Variants in MATR3 observed in about 807,000 individuals in gnomAD.
The protein encoded by MATR3 is matrin 3.
In MATR3, 4 loss-of-function variants were observed where a neutral mutation model predicts 85.5. The ratio of observed to expected loss-of-function variants is 0.05; its 90% confidence interval spans 0.02 to 0.11. MATR3 has a LOEUF of 0.11. MATR3 is among the 10% of genes least tolerant of loss of function. The pLI is 1.00. For synonymous variants in MATR3, 336 were observed against 343.1 expected, an observed-to-expected ratio of 0.98 and a Z score of 0.23; for missense variants, 685 against 1,016.1, an observed-to-expected ratio of 0.67 and a Z score of 4.43.
Position 139,322,510 on chromosome 5 carries a change from A to G in MATR3, c.1778+4A>G. ...TACTGAAAAAAGATAAATCCCGGTA[A>G]TTTCATTTTGTTTTTCATATGTGTG... On this transcript the variant is annotated splice_donor_region_variant and intron_variant, in intron 11 of 14. Transcript: ENST00000394805. 6.3e-7 allele frequency: 1 copy of G among 1,584,496 alleles called. No individual in the cohort carries two copies. The highest frequency in any genetic ancestry group is 8.7e-7 in the Non-Finnish European group (1 of 1,155,648).
chr5:139,277,343 G>A (rs1219187259), intron 2 of MATR3, among the ~76,000 whole-genome samples: 1 of 152,048 alleles, frequency 6.6e-6, no homozygotes, highest in Admixed American at 6.6e-5. Context: ...ATGACCCTCG[G>A]TTGCTGTGAA....
chr5:139,288,956 G>T (rs1222272484), upstream of MATR3, among the ~76,000 whole-genome samples: 1 of 151,074 alleles, frequency 6.6e-6, no homozygotes, highest in Non-Finnish European at 1.5e-5. Flanking sequence ...GCTAATTTTT[G>T]GATTTTTAGT....
In MATR3 at chr5:139,323,288, G is replaced by GA. The variant is rs200473406; in HGVS notation, c.2148+331dup. On this transcript the variant is annotated intron_variant, in intron 12 of 14. Coordinates refer to ENST00000394805, the MANE Select transcript of MATR3 (RefSeq NM_018834.6). ...GTAGGCAGCCTTATAGTGTAGCTTT[G>GA]AAAAAAAAAATACAGGACGTGAGTT... Among the ~76,000 whole-genome samples, 125 of 148,196 alleles carry GA rather than the reference G, an allele frequency of 8.4e-4. 4 individuals are homozygous for GA. The South Asian group carries it at 0.02, about 24-fold the overall frequency.
intron 14 of MATR3, among the ~76,000 whole-genome samples, 170 bp downstream of exon 14, chr5:139,326,454 C>G (rs571897039): frequency 4.8e-4 from 71 of 146,468 alleles, no homozygotes; most frequent in Non-Finnish European, 8.1e-4. Flanking sequence ...CAGTTTCTCT[C>G]TTGTTGCCCA....
At chr5:139,293,292 A>G (rs1303223735), upstream of MATR3, 1 of 152,054 alleles carries the variant, frequency 6.6e-6, no homozygotes, top group Non-Finnish European at 1.5e-5. Context: ...AAACCAGCCA[A>G]AATGGTATCG....
chr5:139,310,500 C>T (rs1045224362), intron 2 of MATR3: 1 of 152,076 alleles, frequency 6.6e-6, no homozygotes, highest in East Asian at 1.9e-4. Context: ...CCTCTATAAC[C>T]GCTATAGAAA....
chr5:139,330,044 C>T lies in MATR3; in HGVS notation c.*649C>T, dbSNP rs1756060239. 2 of 454,318 alleles carry T rather than the reference C, an allele frequency of 4.4e-6. No individual in the cohort carries two copies. The highest frequency in any genetic ancestry group is 8.8e-6 in the Non-Finnish European group (2 of 226,728). 28.1% of individuals were successfully genotyped at this position (454,318 alleles called of 1,614,324 possible). A position where few individuals can be genotyped will look rare whatever the true frequency, so the allele number is the denominator to read the frequency against. On this transcript the variant is annotated 3_prime_UTR_variant, in exon 15 of 15. Transcript: ENST00000394805. ...CGTATTCTAGTAGTCAATGTATTTTCAGTGAAATGCAAAAATATTCCCGTT... is the reference window on the plus strand; with the variant it reads ...CGTATTCTAGTAGTCAATGTATTTTTAGTGAAATGCAAAAATATTCCCGTT...
chr5:139,307,759 T>G lies in MATR3; in HGVS notation c.344T>G (p.Phe115Cys), dbSNP rs587777300. Residue 115 changes from phenylalanine to cysteine, a missense_variant, in exon 2 of 15, where the codon TTT (phenylalanine) becomes TGT (cysteine). Phe to Cys is a radical substitution (Grantham distance 205, BLOSUM62 -2). Around this residue, in one of 9 missense-constraint regions of MATR3, gnomAD observed 3 missense variants for 21.1 expected, o/e 0.14. Transcript: ENST00000394805. The surrounding 1 kb of genome is among the most constrained non-coding windows in gnomAD (Gnocchi z 4.4). ...ADQASNILAS[F>C]GLSARDLDEL... Reference sequence around the variant, plus strand: ...CAGGCCAGTAACATTTTGGCCAGCTTTGGTCTGTCTGCTAGAGACTTAGAT... The same window carrying G: ...CAGGCCAGTAACATTTTGGCCAGCTGTGGTCTGTCTGCTAGAGACTTAGAT... 6.2e-7 allele frequency: 1 copy of G among 1,614,028 alleles called. No homozygotes were observed. The highest frequency in any genetic ancestry group is 8.5e-7 in the Non-Finnish European group (1 of 1,180,020).
rs763641524 is a variant in MATR3, at chr5:139,288,647, C to CT, written c.-178+9529dup. On this transcript the variant is annotated intron_variant, in intron 3 of 16. Coordinates refer to ENST00000509990, the Ensembl canonical transcript of MATR3. ...TACATGGTGGGTTTAAACATCATCT[C>CT]TTTTTTTTTTTGAGACGGAGTCTCA... 8.7e-3 allele frequency among the ~76,000 whole-genome samples: 1,284 copies of CT among 147,328 alleles called. 11 individuals are homozygous for CT. The highest frequency in any genetic ancestry group is 9.9e-3 in the Admixed American group (146 of 14,742).
upstream of MATR3, chr5:139,293,705 C>G (rs759695074): frequency 5.9e-6 from 2 of 339,700 alleles, no homozygotes; most frequent in African/African-American, 2.1e-5. Flanking sequence ...CCGCTGCCGC[C>G]GCTTCTCGCC....
At chr5:139,321,774 C>G in intron 9 of MATR3, 124 bp from the exon 10 acceptor site, 1 of 938,802 alleles carries the variant, frequency 1.1e-6, no homozygotes, top group Non-Finnish European at 1.6e-6. Flanking sequence ...CACAGTGAGA[C>G]CCTGTCTCAA....
At chr5:139,329,310 G>A (rs377066823) in intron 14 of MATR3, 35 bp from the exon 15 acceptor site, 58 of 1,499,144 alleles carry the variant, frequency 3.9e-5, no homozygotes, top group Non-Finnish European at 5.3e-5. Flanking sequence ...ATTTCTCTTA[G>A]GTGACTTAAT....
Position 139,325,606 on chromosome 5 carries a change from A to G in MATR3, c.2315A>G (p.Asp772Gly). ...GGTCAAAGTGATGAGAACAAGGACG[A>G]CTATACAATCCCAGATGAGTATAGA... is the stretch of plus-strand genomic sequence containing the variant. ...ADGQSDENKDDYTIPDEYRIG... is the reference protein window; with the variant it reads ...ADGQSDENKDGYTIPDEYRIG... Residue 772 changes from aspartate (D) to glycine (G), a missense_variant, in exon 13 of 15, where the codon GAC (aspartate) becomes GGC (glycine). By Grantham distance (94) the Asp-to-Gly change is moderately conservative. Transcript: ENST00000394805. The G allele has an allele frequency of 8.1e-6, 13 of 1,614,236 alleles. No homozygotes were observed. Among genetic ancestry groups the G allele is most frequent in the Non-Finnish European group, 1.1e-5 (13 of 1,180,044 alleles).
intron 1 of MATR3, among the ~76,000 whole-genome samples, chr5:139,298,324 C>G (rs1754266598): frequency 6.6e-6 from 1 of 152,152 alleles, no homozygotes; most frequent in African/African-American, 2.4e-5. Context: ...GTAATCCCAG[C>G]ACTTTGGGGG....
In MATR3 at chr5:139,318,924, C is replaced by A; in HGVS notation, c.1325C>A (p.Ala442Glu). The A allele has an allele frequency of 6.2e-7, 1 of 1,614,116 alleles. No individual in the cohort carries two copies. Among genetic ancestry groups the A allele is most frequent in the Non-Finnish European group, 8.5e-7 (1 of 1,179,984 alleles). ...TAATTTCAGGCATTTATTGAAATGG[C>A]AACCACAGAGGATGCTCAGGCCGCA... ...NKINEAFIEMATTEDAQAAVD... is the reference protein window; with the variant it reads ...NKINEAFIEMETTEDAQAAVD... Residue 442 changes from alanine (A) to glutamate (E), a missense_variant, in exon 8 of 15, where the codon GCA (alanine) becomes GAA (glutamate). By Grantham distance (107) the Ala-to-Glu change is moderately radical. Transcript: ENST00000394805.
At chr5:139,300,866 T>G (rs909991985) in intron 1 of MATR3, among the ~76,000 whole-genome samples, 1 of 150,712 alleles carries the variant, frequency 6.6e-6, no homozygotes, top group Non-Finnish European at 1.5e-5. Context: ...CAGGCTGGAG[T>G]GCAATGGCAT....
intron 1 of MATR3, among the ~76,000 whole-genome samples, chr5:139,296,944 C>T (rs916463656): frequency 1.3e-5 from 2 of 152,102 alleles, no homozygotes; most frequent in East Asian, 1.9e-4. Flanking sequence ...CCAAGGCGGG[C>T]GGATCATCTG....
chr5:139,278,531 A>G (rs958422331), intron 2 of MATR3: 3 of 370,594 alleles, frequency 8.1e-6, no homozygotes, highest in African/African-American at 6.3e-5. Context: ...TCCATGAAGG[A>G]AAGGACAATA....
At position 139,329,977 on chromosome 5, in the gene MATR3, T is replaced by C. The variant is rs1434175320; in HGVS notation, c.*582T>C. 1 of 453,134 alleles carries C rather than the reference T, an allele frequency of 2.2e-6. No homozygotes were observed. The highest frequency in any genetic ancestry group is 4.4e-6 in the Non-Finnish European group (1 of 225,996). 28.1% of individuals were successfully genotyped at this position (453,134 alleles called of 1,614,324 possible). ...TAATAAGAAATATTAAGTAATTGGC[T>C]TTAGATTTTGTAATTTTTTTCCCTG... On this transcript the variant is annotated 3_prime_UTR_variant, in exon 15 of 15. Coordinates refer to ENST00000394805, the MANE Select transcript of MATR3 (RefSeq NM_018834.6).
Sources: gnomAD v4.1 joint callset for allele counts (sites outside exome capture counted in the v4.1 genomes callset) on GRCh38, gnomAD v4.1.1 for gene constraint, gnomAD v4.1.1 regional missense constraint, Gnocchi (gnomAD v3.1) non-coding constraint, MANE v1.5 for transcripts, NCBI Gene and HGNC (gene_info 2026-07-23, HGNC 2026-07-21) for gene names.